The following TMEM117 variants were observed in gnomAD, a reference collection of about 807,000 sequenced individuals.
TMEM117 encodes the protein transmembrane protein 117.
Under a neutral mutation model 52.4 loss-of-function variants are expected in TMEM117, and 27 were observed. The ratio of observed to expected loss-of-function variants is 0.51; its 90% CI spans 0.38 to 0.71. TMEM117 has a LOEUF of 0.71. Ranked by LOEUF, TMEM117 falls within the 30% of genes least tolerant of loss-of-function variation. TMEM117 has a pLI of 0.00. For synonymous variants in TMEM117, 215 were observed against 206.3 expected (o/e 1.04, Z -0.36); for missense variants, 556 against 630.5 (o/e 0.88, Z 1.26).
intron 2 of TMEM117, among the ~76,000 whole-genome samples, chr12:43,938,324 T>C (rs1944987286): frequency 6.6e-6 from 1 of 151,032 alleles, no homozygotes; most frequent in Admixed American, 6.6e-5. Flanking sequence ...TAAATTGCTC[T>C]TCATAACTCT....
At chr12:44,091,573 G>A (rs1565823603) in intron 3 of TMEM117, among the ~76,000 whole-genome samples, 1 of 152,158 alleles carries the variant, frequency 6.6e-6, no homozygotes, top group Non-Finnish European at 1.5e-5. Flanking sequence ...TGCCACTAAG[G>A]AAGGGACAAT....
chr12:44,194,107 CCAAACAGCACTTTTAGGAATA>C (rs1247352551), intron 4 of TMEM117, among the ~76,000 whole-genome samples: 4 of 151,918 alleles, frequency 2.6e-5, no homozygotes, highest in African/African-American at 7.2e-5. Flanking sequence ...TGAAAATGAC[CCAAACAGCACTTTTAGGAATA>C]CAAATTTTAA....
intron 6 of TMEM117, among the ~76,000 whole-genome samples, chr12:44,350,660 C>A (rs955891477): frequency 6.6e-5 from 10 of 151,906 alleles, no homozygotes; most frequent in African/African-American, 2.4e-4. Context: ...AACATAATGA[C>A]CCCCAGTTCC....
chr12:44,179,339 G>C (rs1421179034), intron 4 of TMEM117, among the ~76,000 whole-genome samples: 1 of 152,196 alleles, frequency 6.6e-6, no homozygotes, highest in African/African-American at 2.4e-5. Context: ...GAAGCCAGTA[G>C]TGTGGCTCAG....
At chr12:44,155,183 A>C (rs902497392) in intron 4 of TMEM117, among the ~76,000 whole-genome samples, 1 of 152,160 alleles carries the variant, frequency 6.6e-6, no homozygotes, top group Admixed American at 6.6e-5. Context: ...TGATGTTGCA[A>C]AATTACAGAC....
At chr12:43,897,334 C>T (rs533720261) in intron 2 of TMEM117, among the ~76,000 whole-genome samples, 2 of 132,836 alleles carry the variant, frequency 1.5e-5, no homozygotes, top group African/African-American at 2.9e-5. Context: ...TTTTTTGAGA[C>T]AGAGTCTCAC....
chr12:44,386,293 C>A (rs765820564), intron 7 of TMEM117, among the ~76,000 whole-genome samples: 45 of 152,072 alleles, frequency 3.0e-4, no homozygotes, highest in Admixed American at 3.9e-4. Context: ...TTAATATGAA[C>A]CTGGTTTAGT....
Position 43,949,415 on chromosome 12 carries a change from G to A in TMEM117, c.410+5073G>A, listed in dbSNP as rs555961487. On this transcript the variant is annotated intron_variant, in intron 3 of 7. Coordinates refer to ENST00000266534, the MANE Select transcript of TMEM117 (RefSeq NM_032256.3). ...AGTAGCCTGCCAGCACTTGGGAGGT[G>A]CTGCATGTGCAGTGTGTTTACTGAA... 3.3e-5 allele frequency among the ~76,000 whole-genome samples: 5 copies of A among 152,292 alleles called. No homozygotes were observed. The East Asian group carries it at 5.8e-4, about 18-fold the overall frequency.
intron 7 of TMEM117, among the ~76,000 whole-genome samples, chr12:44,386,210 T>C (rs531987567): frequency 6.6e-5 from 10 of 152,164 alleles, no homozygotes; most frequent in Non-Finnish European, 1.5e-4. Context: ...GATGAAATCC[T>C]TTCTGAAAGG....
At chr12:43,963,582 C>T (rs753747808) in intron 3 of TMEM117, among the ~76,000 whole-genome samples, 5 of 152,302 alleles carry the variant, frequency 3.3e-5, no homozygotes, top group African/African-American at 7.2e-5. Context: ...AGTTTAAAGA[C>T]AGATTTCCCT....
intron 3 of TMEM117, among the ~76,000 whole-genome samples, chr12:43,990,536 T>TA (rs1017057306): frequency 2.2e-4 from 33 of 152,296 alleles, no homozygotes; most frequent in African/African-American, 7.9e-4. Flanking sequence ...TTATATAACT[T>TA]ATGATATCAT....
chr12:44,194,799 C>T (rs1358311775), intron 4 of TMEM117, among the ~76,000 whole-genome samples: 1 of 152,130 alleles, frequency 6.6e-6, no homozygotes, highest in Non-Finnish European at 1.5e-5. Context: ...CCACTGCATC[C>T]AGCCTGGGTG....
At chr12:44,140,405 C>T (rs1330759295) in intron 3 of TMEM117, among the ~76,000 whole-genome samples, 1 of 152,022 alleles carries the variant, frequency 6.6e-6, no homozygotes, top group Non-Finnish European at 1.5e-5. Context: ...TGATTTGGGT[C>T]ACTTTATTAA....
upstream of TMEM117, among the ~76,000 whole-genome samples, chr12:43,835,329 T>A (rs1250851914): frequency 6.6e-6 from 1 of 152,190 alleles, no homozygotes; most frequent in African/African-American, 2.4e-5. Context: ...AGCCTCAGAC[T>A]GCAAAAACTT....
chr12:44,226,569 C>A (rs933439786), intron 5 of TMEM117, among the ~76,000 whole-genome samples: 1 of 151,632 alleles, frequency 6.6e-6, no homozygotes, highest in East Asian at 1.9e-4. Context: ...TTATATCCCC[C>A]AAATTCACAT....
At chr12:44,296,838 G>T (rs1204765277) in intron 5 of TMEM117, among the ~76,000 whole-genome samples, 1 of 152,174 alleles carries the variant, frequency 6.6e-6, no homozygotes, top group Non-Finnish European at 1.5e-5. Context: ...CTCATTCCTT[G>T]GTGGATGATT....
At chr12:43,819,106 A>C in the TMEM117 span, among the ~76,000 whole-genome samples, 1 of 152,198 alleles carries the variant, frequency 6.6e-6, no homozygotes. Context: ...AAGTCACCAA[A>C]TACATGGCGG....
chr12:44,231,386 G>A (rs961976859), intron 5 of TMEM117, among the ~76,000 whole-genome samples: 3 of 151,278 alleles, frequency 2.0e-5, no homozygotes, highest in African/African-American at 7.3e-5. Context: ...TTCTCCTCTC[G>A]ATGGGCATTT....
At chr12:44,051,756 C>T (rs554363721) in intron 3 of TMEM117, among the ~76,000 whole-genome samples, 11 of 152,322 alleles carry the variant, frequency 7.2e-5, no homozygotes, top group African/African-American at 2.6e-4. Flanking sequence ...GTCTCACATG[C>T]ACCCTATTCA....
Sources: allele counts gnomAD v4.1 joint callset (sites outside exome capture counted in the v4.1 genomes callset), GRCh38; gene constraint gnomAD v4.1.1; transcripts MANE v1.5; gene names NCBI Gene and HGNC (gene_info 2026-07-23, HGNC 2026-07-21).